The following ANK2 variants were observed in gnomAD, a reference collection of about 807,000 sequenced individuals.
ANK2 encodes ankyrin 2, also known as ankyrin-2.
In ANK2, 83 loss-of-function variants were observed where a neutral mutation model predicts 360.5. The observed-to-expected ratio is 0.23, with a 90% CI of 0.19 to 0.28. ANK2 has a LOEUF of 0.28. ANK2 is among the 10% of genes least tolerant of loss of function. ANK2 has a pLI of 1.00. For synonymous variants in ANK2, 1,740 were observed against 1,759.5 expected, an observed-to-expected ratio of 0.99 and a Z score of 0.28; for missense variants, 4,201 against 4,795.7, an observed-to-expected ratio of 0.88 and a Z score of 3.66.
At chr4:113,332,956 AAAG>A in intron 28 of ANK2, 95 bp from the exon 29 acceptor site, 1 of 1,573,860 alleles carries the variant, frequency 6.4e-7, no homozygotes. Flanking sequence ...GTCCCCAGCA[AAAG>A]AAGAATTCCA....
At chr4:113,119,682 T>G (rs1014176735) in intron 1 of ANK2, among the ~76,000 whole-genome samples, 1 of 152,102 alleles carries the variant, frequency 6.6e-6, no homozygotes, top group African/African-American at 2.4e-5. Flanking sequence ...CCATTTGTAG[T>G]GCCTCTTACT....
intron 1 of ANK2, among the ~76,000 whole-genome samples, chr4:112,887,875 C>T (rs1002194114): frequency 2.8e-4 from 43 of 152,178 alleles, no homozygotes; most frequent in African/African-American, 1.0e-3. Context: ...ATTCTTGACA[C>T]ATAGTAAATA....
At chr4:113,046,591 A>G (rs1320524422), upstream of ANK2, among the ~76,000 whole-genome samples, 1 of 152,092 alleles carries the variant, frequency 6.6e-6, no homozygotes, top group Admixed American at 6.6e-5. Flanking sequence ...TCAATATGCC[A>G]TCTGGGAAGA....
At chr4:112,967,501 G>A (rs1243147000) in intron 2 of ANK2, among the ~76,000 whole-genome samples, 2 of 152,094 alleles carry the variant, frequency 1.3e-5, no homozygotes, top group African/African-American at 4.8e-5. Flanking sequence ...TAACTTAAAT[G>A]ATAAAAATGG....
chr4:113,222,518 T>G (rs1215350204), intron 4 of ANK2, among the ~76,000 whole-genome samples: 2 of 151,810 alleles, frequency 1.3e-5, no homozygotes, highest in African/African-American at 4.8e-5. Flanking sequence ...TGCCTCAGCC[T>G]TTTTGAGTCT....
At chr4:113,223,114 C>T (rs1377544416) in intron 4 of ANK2, among the ~76,000 whole-genome samples, 2 of 152,106 alleles carry the variant, frequency 1.3e-5, no homozygotes, top group Non-Finnish European at 2.9e-5. Context: ...TCATCCTGAC[C>T]TTAAAGCTTG....
chr4:113,356,902 C>G lies in ANK2; in HGVS notation c.8284C>G (p.Leu2762Val). 1 of 1,614,034 alleles carries G rather than the reference C, an allele frequency of 6.2e-7. No homozygotes were observed. The highest frequency in any genetic ancestry group is 8.5e-7 in the Non-Finnish European group (1 of 1,179,976). The change falls in exon 38 of 46, where the codon CTA becomes GTA. Residue 2762 changes from leucine to valine, a missense_variant. Leu to Val is a conservative substitution (Grantham distance 32). Transcript: ENST00000357077. The stretch of plus-strand genomic sequence containing the variant: ...GGCTGAAGACAGGTCTTATGATAAG[C>G]TAAACAGAGACACTGATCAGCCAAA... ...TEAEDRSYDK[L>V]NRDTDQPKIC...
the ANK2 span, among the ~76,000 whole-genome samples, chr4:112,768,606 G>A: frequency 6.6e-6 from 1 of 151,912 alleles, no homozygotes; most frequent in Non-Finnish European, 1.5e-5. Flanking sequence ...GAGAATACCT[G>A]TTTTTCTACT....
chr4:113,292,469 C>T lies in ANK2; in HGVS notation c.2331C>T (p.Ile777=). The stretch of plus-strand genomic sequence containing the variant: ...CTCAGCAGGGTCACACGCACATCAT[C>T]AACGTCCTGCTCCAGCATGGGGCCA... ...QAAQQGHTHI[I]NVLLQHGAKP... is the part of the protein sequence containing the mutation. The change falls in exon 21 of 46, where the codon ATC becomes ATT. Residue 777 remains isoleucine (I), a synonymous_variant. Transcript: ENST00000357077. 6.2e-7 allele frequency: 1 copy of T among 1,611,994 alleles called. No homozygotes were observed. Among genetic ancestry groups the T allele is most frequent in the East Asian group, 2.2e-5 (1 of 44,788 alleles).
the ANK2 span, among the ~76,000 whole-genome samples, chr4:112,808,426 C>G: frequency 3.9e-5 from 6 of 152,128 alleles, no homozygotes; most frequent in Non-Finnish European, 8.8e-5. Context: ...CTCCAGAGAG[C>G]AGAACTAAAA....
Position 113,357,872 on chromosome 4 carries a change from C to G in ANK2, c.9254C>G (p.Ala3085Gly). The change falls in exon 38 of 46, where the codon GCT (alanine) becomes GGT (glycine). Residue 3085 changes from alanine to glycine, a missense_variant. By Grantham distance (60) the Ala-to-Gly change is moderately conservative. Transcript: ENST00000357077. ...SQGTTPDTTP[A>G]RTPTEEGTPT... ...GGTACCACCCCTGACACCACTCCTG[C>G]TAGGACCCCAACTGAAGAGGGGACC... 2 of 1,614,096 alleles carry G rather than the reference C, an allele frequency of 1.2e-6. No individual in the cohort carries two copies. The highest frequency in any genetic ancestry group is 1.1e-5 in the South Asian group (1 of 91,082).
intron 24 of ANK2, among the ~76,000 whole-genome samples, chr4:113,313,227 C>T (rs1448201022): frequency 6.6e-6 from 1 of 152,168 alleles, no homozygotes; most frequent in African/African-American, 2.4e-5. Context: ...GTGTAATGTT[C>T]ATGGCATTGC....
At chr4:112,859,337 A>C (rs1352733111) in intron 1 of ANK2, among the ~76,000 whole-genome samples, 1 of 152,236 alleles carries the variant, frequency 6.6e-6, no homozygotes, top group Non-Finnish European at 1.5e-5. Flanking sequence ...TGTATTTTAC[A>C]TAAGATAATT....
chr4:113,333,597 C>A (rs991425518), intron 29 of ANK2, among the ~76,000 whole-genome samples: 1 of 152,056 alleles, frequency 6.6e-6, no homozygotes, highest in Non-Finnish European at 1.5e-5. Context: ...TAAAACAATG[C>A]CTAACTTGAA....
chr4:112,984,767 G>A (rs956614554), intron 2 of ANK2, among the ~76,000 whole-genome samples: 4 of 152,162 alleles, frequency 2.6e-5, no homozygotes, highest in Non-Finnish European at 4.4e-5. Context: ...TGCTGTTAAA[G>A]TTCATTCTCA....
At chr4:113,349,716 C>G (rs2095271965) in intron 36 of ANK2, among the ~76,000 whole-genome samples, 1 of 152,068 alleles carries the variant, frequency 6.6e-6, no homozygotes, top group African/African-American at 2.4e-5. Flanking sequence ...ACTTTTTTCT[C>G]TTAGATAATT....
intron 2 of ANK2, among the ~76,000 whole-genome samples, chr4:112,929,062 G>A (rs1331293477): frequency 6.6e-6 from 1 of 151,778 alleles, no homozygotes; most frequent in Non-Finnish European, 1.5e-5. Flanking sequence ...CATGTTTACC[G>A]GGCTGGTCTC....
At chr4:113,250,847 A>C (rs992642233) in intron 10 of ANK2, among the ~76,000 whole-genome samples, 5 of 145,820 alleles carry the variant, frequency 3.4e-5, no homozygotes, top group Admixed American at 7.3e-5. Context: ...ATATTTTTCA[A>C]TTTATATATA....
At chr4:112,909,000 T>C (rs982586620) in intron 2 of ANK2, among the ~76,000 whole-genome samples, 1 of 152,226 alleles carries the variant, frequency 6.6e-6, no homozygotes, top group African/African-American at 2.4e-5. Flanking sequence ...TATAAAATTT[T>C]GTCTCAAGTT....
Sources: allele counts gnomAD v4.1 joint callset (sites outside exome capture counted in the v4.1 genomes callset), GRCh38; gene constraint gnomAD v4.1.1; transcripts MANE v1.5; gene names NCBI Gene and HGNC (gene_info 2026-07-23, HGNC 2026-07-21).